RARB: variants seen among roughly 807,000 people sequenced by gnomAD.
RARB encodes retinoic acid receptor beta.
In RARB, 17 loss-of-function variants were observed where a neutral mutation model predicts 51.9. The observed-to-expected ratio is 0.33, with a 90% CI of 0.22 to 0.49. The LOEUF (loss-of-function observed/expected upper bound fraction) is 0.49, where lower values mean the gene tolerates loss of function less well. Ranked by LOEUF, RARB falls within the 20% of genes least tolerant of loss-of-function variation. RARB has a pLI of 0.99. For synonymous variants in RARB, 215 were observed against 195.4 expected, an observed-to-expected ratio of 1.10 and a Z score of -0.84; for missense variants, 369 against 550.8, an observed-to-expected ratio of 0.67 and a Z score of 3.30.
At chr3:25,386,530 G>A (rs1471598170) in intron 5 of RARB, among the ~76,000 whole-genome samples, 1 of 152,214 alleles carries the variant, frequency 6.6e-6, no homozygotes, top group Non-Finnish European at 1.5e-5. Context: ...CTACTCGAGA[G>A]GTTGTTAAAA....
chr3:25,454,833 A>G (rs1485722722), intron 1 of RARB, among the ~76,000 whole-genome samples: 1 of 152,246 alleles, frequency 6.6e-6, no homozygotes, highest in Non-Finnish European at 1.5e-5. Flanking sequence ...GGTGTGTTGT[A>G]ACAACAAGGA....
intron 5 of RARB, among the ~76,000 whole-genome samples, chr3:25,296,216 G>A (rs1703910961): frequency 6.6e-6 from 1 of 152,114 alleles, no homozygotes; most frequent in Non-Finnish European, 1.5e-5. Flanking sequence ...CCAGAAACAA[G>A]GAAAGATCCT....
intron 5 of RARB, among the ~76,000 whole-genome samples, chr3:25,325,009 G>C (rs1047398170): frequency 1.3e-5 from 2 of 152,208 alleles, no homozygotes; most frequent in Admixed American, 1.3e-4. Flanking sequence ...ATTAGGAAGT[G>C]AAGAAACAAA....
chr3:25,083,888 A>G (rs1699056870), intron 3 of RARB, among the ~76,000 whole-genome samples: 1 of 152,140 alleles, frequency 6.6e-6, no homozygotes, highest in African/African-American at 2.4e-5. Context: ...TCTTTAAGAT[A>G]TGGCCTTTAT....
At chr3:25,500,619 CA>C (rs1334735065) in intron 2 of RARB, among the ~76,000 whole-genome samples, 1 of 151,762 alleles carries the variant, frequency 6.6e-6, no homozygotes, top group East Asian at 1.9e-4. Flanking sequence ...GCTGGGATTA[CA>C]GGCACGCACA....
At chr3:25,136,993 G>GA (rs992568494) in intron 4 of RARB, among the ~76,000 whole-genome samples, 1 of 151,796 alleles carries the variant, frequency 6.6e-6, no homozygotes, top group Admixed American at 6.6e-5. Flanking sequence ...TGTTCAAAAA[G>GA]AAAAAAATAT....
At chr3:24,927,100 T>C (rs1377924078) in intron 2 of RARB, among the ~76,000 whole-genome samples, 3 of 152,162 alleles carry the variant, frequency 2.0e-5, no homozygotes, top group African/African-American at 7.2e-5. Flanking sequence ...TAACCTCATA[T>C]ATTCTCAAAT....
At chr3:25,022,904 A>C (rs1033993741) in intron 2 of RARB, among the ~76,000 whole-genome samples, 1 of 152,206 alleles carries the variant, frequency 6.6e-6, no homozygotes, top group African/African-American at 2.4e-5. Flanking sequence ...CTGATAGTGC[A>C]GAACCTCAGA....
chr3:25,103,467 T>C (rs989752719), intron 3 of RARB, among the ~76,000 whole-genome samples: 2 of 152,226 alleles, frequency 1.3e-5, no homozygotes, highest in Admixed American at 1.3e-4. Context: ...AAAAATCTTA[T>C]TCCTTTGATG....
At chr3:25,014,829 A>G (rs1051284632) in intron 2 of RARB, among the ~76,000 whole-genome samples, 1 of 152,056 alleles carries the variant, frequency 6.6e-6, no homozygotes, top group Non-Finnish European at 1.5e-5. Flanking sequence ...GGATAGTATC[A>G]CAGGAATAAT....
intron 5 of RARB, among the ~76,000 whole-genome samples, chr3:25,204,698 C>T (rs572698068): frequency 6.6e-6 from 1 of 152,092 alleles, no homozygotes; most frequent in Admixed American, 6.5e-5. Flanking sequence ...CACTCCAGAC[C>T]CTGTTTGCCT....
Position 25,034,580 on chromosome 3 carries a change from T to A in RARB, c.-379-25545T>A, listed in dbSNP as rs151295429. ...AAGAGTAAACCTTCAACAAAACTGG[T>A]TTTTATGGCTCAACAAAGCTATTTT... On this transcript the variant is annotated intron_variant, in intron 2 of 11. Transcript: ENST00000383772. Among the ~76,000 whole-genome samples the A allele has an allele frequency of 4.3e-4, 65 of 152,194 alleles. No homozygotes were observed. In the East Asian group the frequency reaches 9.9e-3, roughly 23 times the overall value.
intron 5 of RARB, among the ~76,000 whole-genome samples, chr3:25,302,131 G>T (rs1038218492): frequency 1.3e-5 from 2 of 152,212 alleles, no homozygotes; most frequent in Admixed American, 6.5e-5. Context: ...ACAGTAACAG[G>T]TGTTAGCAAG....
intron 5 of RARB, among the ~76,000 whole-genome samples, chr3:25,244,946 C>T (rs997078492): frequency 1.3e-5 from 2 of 152,176 alleles, no homozygotes; most frequent in Admixed American, 6.5e-5. Context: ...GTCAAAGTCT[C>T]TTTGTAGATC....
intron 4 of RARB, among the ~76,000 whole-genome samples, chr3:25,166,882 C>T (rs1223038403): frequency 6.6e-6 from 1 of 152,208 alleles, no homozygotes; most frequent in Non-Finnish European, 1.5e-5. Context: ...TTATCCACTA[C>T]ATTTGCAGAT....
chr3:25,078,878 T>C (rs1295792215), intron 3 of RARB, among the ~76,000 whole-genome samples: 2 of 152,146 alleles, frequency 1.3e-5, no homozygotes, highest in Admixed American at 6.6e-5. Context: ...TCTGGGTTCT[T>C]TGCATTTTTA....
At chr3:25,071,225 T>C (rs1449657152) in intron 3 of RARB, among the ~76,000 whole-genome samples, 1 of 152,224 alleles carries the variant, frequency 6.6e-6, no homozygotes, top group African/African-American at 2.4e-5. Flanking sequence ...ATGGAATGAA[T>C]GAATGTCAGC....
intron 3 of RARB, among the ~76,000 whole-genome samples, chr3:25,508,932 G>A (rs6767543): frequency 0.55 from 82,804 of 151,576 alleles, 26,466 homozygotes; most frequent in South Asian, 0.78. Flanking sequence ...CCAGCAGCCC[G>A]GTGATGTCAG....
chr3:25,212,754 AC>A (rs1193340787), intron 5 of RARB, among the ~76,000 whole-genome samples: 1 of 85,822 alleles, frequency 1.2e-5, no homozygotes, highest in Admixed American at 1.6e-4. Context: ...GTTATTTTCC[AC>A]TTTTTTTGTG....
Sources: allele counts gnomAD v4.1 joint callset (sites outside exome capture counted in the v4.1 genomes callset), GRCh38; gene constraint gnomAD v4.1.1; transcripts MANE v1.5; gene names NCBI Gene and HGNC (gene_info 2026-07-23, HGNC 2026-07-21).